Variants in ATP9B observed in about 807,000 individuals in gnomAD.
ATP9B encodes the protein probable phospholipid-transporting ATPase IIB.
In ATP9B, 110 loss-of-function variants were observed where a neutral mutation model predicts 146.1. The ratio of observed to expected loss-of-function variants is 0.75; its 90% confidence interval spans 0.65 to 0.88. The LOEUF is 0.88. Among genes scored for constraint, ATP9B ranks in the 40% least tolerant of loss-of-function variants. ATP9B has a pLI of 0.00. For missense variants in ATP9B, 1,499 were observed against 1,496.4 expected, an observed-to-expected ratio of 1.00 and a Z score of -0.03; for synonymous variants, 604 against 569.7, an observed-to-expected ratio of 1.06 and a Z score of -0.86.
chr18:79,376,001 T>C (rs934140381), intron 29 of ATP9B: 6 of 985,042 alleles, frequency 6.1e-6, no homozygotes, highest in Non-Finnish European at 7.2e-6. Context: ...TCCTGGTGAG[T>C]AGATGGTTCT....
Position 79,359,393 on chromosome 18 carries a change from A to G in ATP9B, c.2943A>G (p.Leu981=). The G allele has an allele frequency of 1.9e-6, 3 of 1,613,956 alleles. No homozygotes were observed. Among genetic ancestry groups the G allele is most frequent in the Non-Finnish European group, 2.5e-6 (3 of 1,179,904 alleles). The change falls in exon 26 of 30, where the codon TTA becomes TTG. Residue 981 remains leucine, a synonymous_variant. Coordinates refer to ENST00000426216, the MANE Select transcript of ATP9B (RefSeq NM_198531.5). ...TIYTMFPVFS[L]VLDQDVKPEM... The stretch of plus-strand genomic sequence containing the variant: ...ACACCATGTTCCCAGTGTTCTCCTT[A>G]GTGCTGGACCAGGACGTGAAGCCAG...
intron 4 of ATP9B, among the ~76,000 whole-genome samples, chr18:79,116,831 G>A (rs1277619417): frequency 9.7e-6 from 1 of 103,340 alleles, no homozygotes; most frequent in Non-Finnish European, 1.9e-5. Flanking sequence ...TAGATGACAC[G>A]TTAGTGGGTG....
intron 11 of ATP9B, among the ~76,000 whole-genome samples, chr18:79,247,750 T>C (rs2095982363): frequency 6.6e-6 from 1 of 152,216 alleles, no homozygotes. Flanking sequence ...ATACTTTTCT[T>C]ATTTATACAA....
At chr18:79,114,301 A>T (rs1200727712) in intron 4 of ATP9B, among the ~76,000 whole-genome samples, 4 of 152,100 alleles carry the variant, frequency 2.6e-5, no homozygotes, top group Non-Finnish European at 5.9e-5. Context: ...TGGGCAGATG[A>T]CCCGAGGAAT....
At chr18:79,375,672 C>G (rs1195010870) in intron 29 of ATP9B, 2 of 985,246 alleles carry the variant, frequency 2.0e-6, no homozygotes, top group Non-Finnish European at 2.4e-6. Context: ...CTGCCATCTG[C>G]TGAGGATTGC....
At chr18:79,261,371 T>A (rs1191963261) in intron 12 of ATP9B, among the ~76,000 whole-genome samples, 1 of 152,020 alleles carries the variant, frequency 6.6e-6, no homozygotes, top group Non-Finnish European at 1.5e-5. Flanking sequence ...TGAATTAGAG[T>A]AGGCCCTCAT....
intron 4 of ATP9B, among the ~76,000 whole-genome samples, chr18:79,120,320 G>A (rs577621959): frequency 2.0e-5 from 3 of 152,106 alleles, no homozygotes; most frequent in Admixed American, 6.5e-5. Flanking sequence ...TACAGTTGTC[G>A]GTTGTAAAAT....
chr18:79,288,064 G>T (rs1266923622), intron 13 of ATP9B, among the ~76,000 whole-genome samples: 1 of 150,998 alleles, frequency 6.6e-6, no homozygotes, highest in Non-Finnish European at 1.5e-5. Flanking sequence ...GAATAGGTGT[G>T]GTGTGGTGCT....
intron 13 of ATP9B, among the ~76,000 whole-genome samples, chr18:79,296,693 C>T (rs1200763909): frequency 6.6e-6 from 1 of 152,164 alleles, no homozygotes; most frequent in African/African-American, 2.4e-5. Flanking sequence ...TTCCACCACC[C>T]TTGTTTCATA....
chr18:79,153,764 C>G (rs1028034429), intron 6 of ATP9B, among the ~76,000 whole-genome samples: 3 of 151,688 alleles, frequency 2.0e-5, no homozygotes, highest in Admixed American at 1.3e-4. Context: ...CATCCTCAGC[C>G]CTCAGCCTCC....
In ATP9B at chr18:79,096,630, T is replaced by C; in HGVS notation, c.274T>C (p.Trp92Arg). 4 of 1,613,356 alleles carry C rather than the reference T, an allele frequency of 2.5e-6. No homozygotes were observed. The highest frequency in any genetic ancestry group is 3.4e-6 in the Non-Finnish European group (4 of 1,179,598). Residue 92 changes from tryptophan (W) to arginine (R), a missense_variant, in exon 2 of 30, where the codon TGG becomes CGG. Transcript: ENST00000426216. Reference protein sequence around the residue: ...RGLEWFVCDGWKFLCTSCCGW... With the variant: ...RGLEWFVCDGRKFLCTSCCGW... ...ACTGGAGTGGTTTGTCTGTGATGGC[T>C]GGAAGTTCCTCTGTACCAGGTTTGT...
intron 11 of ATP9B, among the ~76,000 whole-genome samples, chr18:79,220,035 A>G (rs1263753818): frequency 6.6e-6 from 1 of 152,200 alleles, no homozygotes; most frequent in African/African-American, 2.4e-5. Flanking sequence ...AGGAGCCCCA[A>G]CGCAGAAGCA....
intron 15 of ATP9B, among the ~76,000 whole-genome samples, chr18:79,327,651 T>C (rs1214521315): frequency 1.0e-4 from 14 of 140,618 alleles, no homozygotes; most frequent in South Asian, 2.4e-4. Flanking sequence ...GTTAGCATGC[T>C]CTCCGTGTTT....
At position 79,347,885 on chromosome 18, in the gene ATP9B, A is replaced by T. The variant is rs1263080300; in HGVS notation, c.2798A>T (p.Gln933Leu). The T allele has an allele frequency of 1.2e-6, 2 of 1,613,822 alleles. No individual in the cohort carries two copies. The highest frequency in any genetic ancestry group is 2.7e-5 in the African/African-American group (2 of 74,906). The stretch of plus-strand genomic sequence containing the variant: ...TACAAGAGGTCGGCGGCACTCGGCC[A>T]GTTCGTCATGCACAGGGGCCTTATC... ...NSYKRSAALG[Q>L]FVMHRGLIIS... The change falls in exon 24 of 30, where the codon CAG (glutamine) becomes CTG (leucine). Residue 933 changes from glutamine (Q) to leucine (L), a missense_variant. Coordinates refer to ENST00000426216, the MANE Select transcript of ATP9B (RefSeq NM_198531.5).
chr18:79,110,410 A>G lies in ATP9B; in HGVS notation c.349A>G (p.Thr117Ala). 1.2e-6 allele frequency: 2 copies of G among 1,611,412 alleles called. No individual in the cohort carries two copies. Among genetic ancestry groups the G allele is most frequent in the Non-Finnish European group, 8.5e-7 (1 of 1,178,400 alleles). ...AAGAAAGAAAGAGCTGAAAGCTCGCACAGTATGGCTTGGATGTCCTGAAAA... is the reference window on the plus strand; with the variant it reads ...AAGAAAGAAAGAGCTGAAAGCTCGCGCAGTATGGCTTGGATGTCCTGAAAA... ...CRRKKELKAR[T>A]VWLGCPEKCE... The change falls in exon 3 of 30, where the codon ACA becomes GCA. Residue 117 changes from threonine (T) to alanine (A), a missense_variant. Physicochemically the swap from Thr to Ala is moderately conservative, Grantham distance 58. Coordinates refer to ENST00000426216, the MANE Select transcript of ATP9B (RefSeq NM_198531.5).
At chr18:79,364,418 C>G (rs2097014309) in intron 26 of ATP9B, 2 of 152,034 alleles carry the variant, frequency 1.3e-5, no homozygotes, top group Non-Finnish European at 2.9e-5. Context: ...GAAAAGAGAG[C>G]CCAGAAATAC....
chr18:79,183,472 C>T (rs2095272403), intron 8 of ATP9B, among the ~76,000 whole-genome samples: 1 of 151,728 alleles, frequency 6.6e-6, no homozygotes. Context: ...TAATTCTTAC[C>T]TAAGAAAATG....
chr18:79,224,827 C>T (rs9948685), intron 11 of ATP9B, among the ~76,000 whole-genome samples: 19,583 of 152,096 alleles, frequency 0.13, 1,385 homozygotes, highest in East Asian at 0.18. Context: ...CTGGGCAGGC[C>T]GTGTAGGGTG....
chr18:79,118,177 T>C (rs905260598), intron 4 of ATP9B, among the ~76,000 whole-genome samples: 3 of 152,140 alleles, frequency 2.0e-5, no homozygotes, highest in Admixed American at 1.3e-4. Flanking sequence ...TGATTGTTCA[T>C]AAGCATTGTT....
Sources: gnomAD v4.1 joint callset for allele counts (sites outside exome capture counted in the v4.1 genomes callset) on GRCh38, gnomAD v4.1.1 for gene constraint, MANE v1.5 for transcripts, NCBI Gene and HGNC (gene_info 2026-07-23, HGNC 2026-07-21) for gene names.